NBEA: variants seen among roughly 807,000 people sequenced by gnomAD.
NBEA encodes lysosomal-trafficking regulator 2.
Under a neutral mutation model 343.4 loss-of-function variants are expected in NBEA, and 44 were observed. The observed-to-expected ratio is 0.13, with a 90% CI of 0.10 to 0.16. The LOEUF (loss-of-function observed/expected upper bound fraction) is 0.16, where lower values mean the gene tolerates loss of function less well. Among genes scored for constraint, NBEA ranks in the 10% least tolerant of loss-of-function variants. The pLI is 1.00. For synonymous variants in NBEA, 1,175 were observed against 1,238.7 expected (o/e 0.95, Z 1.08); for missense variants, 2,555 against 3,631.3 (o/e 0.70, Z 7.62).
intron 11 of NBEA, among the ~76,000 whole-genome samples, chr13:35,103,539 A>T (rs2065759968): frequency 6.6e-6 from 1 of 151,082 alleles, no homozygotes; most frequent in Non-Finnish European, 1.5e-5. Context: ...ACAGTACCTT[A>T]CTCTAATTGA....
At chr13:35,513,760 T>C (rs1453403200) in intron 41 of NBEA, among the ~76,000 whole-genome samples, 2 of 152,100 alleles carry the variant, frequency 1.3e-5, no homozygotes, top group Non-Finnish European at 2.9e-5. Flanking sequence ...TTTAAAGAAA[T>C]GGACAAAGTA....
intron 11 of NBEA, among the ~76,000 whole-genome samples, chr13:35,107,737 T>C (rs753422087): frequency 5.9e-5 from 9 of 152,044 alleles, no homozygotes; most frequent in Admixed American, 5.3e-4. Flanking sequence ...AATCAACATG[T>C]ATATTTTCTA....
chr13:35,630,932 C>A (rs1047979224), intron 49 of NBEA, among the ~76,000 whole-genome samples: 2 of 152,272 alleles, frequency 1.3e-5, no homozygotes, highest in Middle Eastern at 3.4e-3. Flanking sequence ...TTAATTTCCC[C>A]TTTCCCACTT....
chr13:35,356,607 T>G (rs1197850), intron 38 of NBEA, among the ~76,000 whole-genome samples: 41,514 of 152,100 alleles, frequency 0.27, 7,097 homozygotes, highest in African/African-American at 0.49. Flanking sequence ...TTCTTCCATA[T>G]TAGAGTGACC....
intron 1 of NBEA, among the ~76,000 whole-genome samples, chr13:34,994,974 G>A (rs2060888853): frequency 1.3e-5 from 2 of 152,170 alleles, no homozygotes; most frequent in Non-Finnish European, 2.9e-5. Context: ...TCAGTCAGTG[G>A]CTGGAAATGA....
intron 1 of NBEA, among the ~76,000 whole-genome samples, chr13:35,013,097 T>TACTG (rs1180632547): frequency 6.6e-6 from 1 of 152,204 alleles, no homozygotes; most frequent in African/African-American, 2.4e-5. Flanking sequence ...CTTACAAATA[T>TACTG]ACTGACATCA....
Position 35,177,055 on chromosome 13 carries a change from T to A in NBEA, c.4614T>A (p.Leu1538=), listed in dbSNP as rs181180541. The change falls in exon 28 of 59, where the codon CTT becomes CTA. Residue 1538 remains leucine (L), a synonymous_variant. Transcript: ENST00000379939. ...LSPIKDPDRL[L]QDVDINRLRA... ...CTATTAAGGATCCGGATAGACTTCT[T>A]CAGGATGTTGATATCAATCGCCTTC... The A allele has an allele frequency of 6.2e-7, 1 of 1,606,076 alleles. No homozygotes were observed. The highest frequency in any genetic ancestry group is 8.5e-7 in the Non-Finnish European group (1 of 1,175,672).
chr13:35,373,716 T>TAAC (rs1487717122), intron 38 of NBEA, among the ~76,000 whole-genome samples: 2 of 151,110 alleles, frequency 1.3e-5, no homozygotes, highest in Non-Finnish European at 3.0e-5. Flanking sequence ...AAAATAATAA[T>TAAC]AATAATAATA....
chr13:35,661,655 C>T (rs1007797512), intron 55 of NBEA, among the ~76,000 whole-genome samples: 11 of 152,124 alleles, frequency 7.2e-5, no homozygotes, highest in Admixed American at 3.9e-4. Flanking sequence ...GGACTCCTGA[C>T]CGATACCGCT....
Position 35,159,078 on chromosome 13 carries a change from G to A in NBEA, c.2907G>A (p.Glu969=), listed in dbSNP as rs2069379533. The A allele has an allele frequency of 1.2e-6, 2 of 1,613,158 alleles. No homozygotes were observed. Among genetic ancestry groups the A allele is most frequent in the African/African-American group, 1.3e-5 (1 of 74,980 alleles). ...TGTATGAGGAATATCAAAGACAAGA[G>A]GAGGAAAACATTAAAAAGGGAAAGA... ...AKMYEEYQRQ[E]EENIKKGKKG... is the part of the protein sequence containing the mutation. Residue 969 remains glutamate, a synonymous_variant, in exon 22 of 59, where the codon GAG becomes GAA. Transcript: ENST00000379939.
intron 38 of NBEA, among the ~76,000 whole-genome samples, chr13:35,363,493 T>A (rs559748001): frequency 5.9e-4 from 90 of 151,994 alleles, no homozygotes; most frequent in Middle Eastern, 3.4e-3. Flanking sequence ...TTACTTCAAT[T>A]TCCTCACCCC....
intron 34 of NBEA, among the ~76,000 whole-genome samples, chr13:35,274,155 C>T (rs909773846): frequency 1.3e-5 from 2 of 152,116 alleles, no homozygotes; most frequent in African/African-American, 4.8e-5. Flanking sequence ...TATCAAAAAG[C>T]TTTTCCACCA....
chr13:35,442,583 T>C (rs1329055947), intron 39 of NBEA, among the ~76,000 whole-genome samples: 1 of 152,178 alleles, frequency 6.6e-6, no homozygotes, highest in African/African-American at 2.4e-5. Flanking sequence ...TTCATACTTA[T>C]ATAGTGCTTC....
chr13:35,581,663 C>T (rs1312070316), intron 45 of NBEA, among the ~76,000 whole-genome samples: 3 of 138,412 alleles, frequency 2.2e-5, no homozygotes, highest in African/African-American at 8.3e-5. Flanking sequence ...TATTCTCACT[C>T]ATAGGTGGGA....
chr13:34,954,494 C>A (rs1566086496), intron 1 of NBEA, among the ~76,000 whole-genome samples: 3 of 152,156 alleles, frequency 2.0e-5, no homozygotes, highest in African/African-American at 7.2e-5. Flanking sequence ...CAAATCTTAT[C>A]TTTGCAGGCT....
intron 48 of NBEA, among the ~76,000 whole-genome samples, chr13:35,617,415 G>C (rs2082783511): frequency 6.6e-6 from 1 of 152,208 alleles, no homozygotes; most frequent in Admixed American, 6.5e-5. Flanking sequence ...CTTGAAAAGT[G>C]CTTATTGTTT....
chr13:35,040,497 A>G (rs1374890939), intron 1 of NBEA, among the ~76,000 whole-genome samples: 1 of 151,968 alleles, frequency 6.6e-6, no homozygotes, highest in Non-Finnish European at 1.5e-5. Context: ...TCTTCTATAT[A>G]TTGAGATTAT....
chr13:35,367,631 C>A (rs1458754907), intron 38 of NBEA, among the ~76,000 whole-genome samples: 2 of 150,582 alleles, frequency 1.3e-5, no homozygotes, highest in Non-Finnish European at 3.0e-5. Flanking sequence ...GTCAAACACT[C>A]TATTGATAAA....
chr13:35,148,657 G>A (rs1476152282), intron 18 of NBEA, among the ~76,000 whole-genome samples: 1 of 152,088 alleles, frequency 6.6e-6, no homozygotes, highest in Non-Finnish European at 1.5e-5. Flanking sequence ...TTTATAAAAT[G>A]TTATCCTAAA....
Sources: allele counts gnomAD v4.1 joint callset (sites outside exome capture counted in the v4.1 genomes callset), GRCh38; gene constraint gnomAD v4.1.1; transcripts MANE v1.5; gene names NCBI Gene and HGNC (gene_info 2026-07-23, HGNC 2026-07-21).